NUTF2: variants seen among roughly 807,000 people sequenced by gnomAD.
The protein encoded by NUTF2 is placental protein 15.
A neutral mutation model predicts 18.5 loss-of-function variants in NUTF2; 3 were observed. The ratio of observed to expected loss-of-function variants is 0.16; its 90% CI spans 0.07 to 0.42. The LOEUF is 0.42. Ranked by LOEUF, NUTF2 falls within the 10% of genes least tolerant of loss-of-function variation. The pLI is 0.99. For missense variants in NUTF2, 44 were observed against 160.7 expected (o/e 0.27, Z 3.93); for synonymous variants, 51 against 57.9 (o/e 0.88, Z 0.54).
chr16:67,848,478 G>A (rs2057825265), intron 1 of NUTF2, among the ~76,000 whole-genome samples: 1 of 152,184 alleles, frequency 6.6e-6, no homozygotes, highest in African/African-American at 2.4e-5. Context: ...AGCTACTCAG[G>A]AGACTGAGGC....
chr16:67,853,303 C>T (rs560237268), intron 1 of NUTF2, among the ~76,000 whole-genome samples: 4 of 151,868 alleles, frequency 2.6e-5, no homozygotes, highest in South Asian at 4.2e-4. Context: ...GCAGTCCTCC[C>T]ACCTCAGCCT....
chr16:67,859,203 G>A (rs915320771), intron 1 of NUTF2, among the ~76,000 whole-genome samples: 3 of 151,650 alleles, frequency 2.0e-5, no homozygotes, highest in Non-Finnish European at 4.4e-5. Context: ...TTGTTGAGAT[G>A]GAGTCTCACT....
chr16:67,857,597 TGG>T, intron 1 of NUTF2, among the ~76,000 whole-genome samples: 1 of 152,218 alleles, frequency 6.6e-6, no homozygotes, highest in Non-Finnish European at 1.5e-5. Flanking sequence ...TCCTTACAGC[TGG>T]GTCCTGCTCC....
chr16:67,855,079 T>TTC (rs2057886141), intron 1 of NUTF2, among the ~76,000 whole-genome samples: 1 of 152,142 alleles, frequency 6.6e-6, no homozygotes, highest in South Asian at 2.1e-4. Context: ...GCAGTTCAGT[T>TTC]TGAGTTGGCT....
rs1174652083 is a variant in NUTF2 at position 67,871,478 on chromosome 16, C to T, written c.*565C>T. 6.6e-6 allele frequency: 1 copy of T among 152,424 alleles called. No homozygotes were observed. Among genetic ancestry groups the T allele is most frequent in the Non-Finnish European group, 1.5e-5 (1 of 68,242 alleles). The allele number at this position is 152,424 out of a possible 1,614,324, so 9.4% of individuals were successfully genotyped here. A position where few individuals can be genotyped will look rare whatever the true frequency, so the allele number is the denominator to read the frequency against. On this transcript the variant is annotated 3_prime_UTR_variant, in exon 5 of 5. Coordinates refer to ENST00000219169, the MANE Select transcript of NUTF2 (RefSeq NM_005796.3). Reference sequence around the variant, plus strand: ...CACTCCCAGCTAGCCTCTCAGAAGCCGTGTAGGGCAGTTCTCTCCCACTCC... The same window carrying T: ...CACTCCCAGCTAGCCTCTCAGAAGCTGTGTAGGGCAGTTCTCTCCCACTCC...
intron 1 of NUTF2, among the ~76,000 whole-genome samples, chr16:67,855,388 ACCAGTGGCCAAGAACTTCTTTT>A (rs2057888348): frequency 6.6e-6 from 1 of 152,192 alleles, no homozygotes. Flanking sequence ...CTGCTGGCTG[ACCAGTGGCCAAGAACTTCTTTT>A]CATTGTCTGG....
At position 67,870,925 on chromosome 16, in the gene NUTF2, C is replaced by A. The variant is rs750294849; in HGVS notation, c.*12C>A. 2.5e-6 allele frequency: 4 copies of A among 1,587,138 alleles called. No individual in the cohort carries two copies. Among genetic ancestry groups the A allele is most frequent in the Non-Finnish European group, 3.5e-6 (4 of 1,155,440 alleles). On this transcript the variant is annotated 3_prime_UTR_variant, in exon 5 of 5. Transcript: ENST00000219169. ...ACAACTTTGGCTGACCTCCTCTCAG[C>A]TAGGCACTCACGCTGTTTCCTCCTC...
intron 1 of NUTF2, among the ~76,000 whole-genome samples, chr16:67,849,810 C>G (rs1473501654): frequency 6.6e-6 from 1 of 152,058 alleles, no homozygotes; most frequent in African/African-American, 2.4e-5. Flanking sequence ...AGGCGCCCAC[C>G]ACCACGCCCA....
chr16:67,851,506 T>G (rs1446923475), intron 1 of NUTF2, among the ~76,000 whole-genome samples: 2 of 142,776 alleles, frequency 1.4e-5, no homozygotes, highest in East Asian at 1.9e-4. Flanking sequence ...CAGAATTTTG[T>G]TTTTTTTATT....
At chr16:67,851,433 A>G (rs1025281522) in intron 1 of NUTF2, among the ~76,000 whole-genome samples, 5 of 151,696 alleles carry the variant, frequency 3.3e-5, no homozygotes, top group African/African-American at 4.8e-5. Flanking sequence ...GTGAGCCAAG[A>G]TTGTGCCACT....
intron 1 of NUTF2, among the ~76,000 whole-genome samples, chr16:67,848,632 C>T (rs535714273): frequency 2.0e-5 from 3 of 151,726 alleles, no homozygotes; most frequent in Non-Finnish European, 4.4e-5. Flanking sequence ...ATCCCAGCTA[C>T]TTGGGAGGCT....
At chr16:67,870,489 T>C in intron 4 of NUTF2, 1 of 336,276 alleles carries the variant, frequency 3.0e-6, no homozygotes. Context: ...ATCACTTGTG[T>C]CTGGAGATAT....
chr16:67,847,293 TGGGGCCTTA>T (rs990735351), intron 1 of NUTF2: 2 of 152,242 alleles, frequency 1.3e-5, no homozygotes, highest in Admixed American at 1.3e-4. Context: ...ACCGTCCGGA[TGGGGCCTTA>T]GGGCCCCGCC....
intron 1 of NUTF2, among the ~76,000 whole-genome samples, chr16:67,853,613 C>G (rs1436358826): frequency 6.6e-6 from 1 of 152,152 alleles, no homozygotes; most frequent in African/African-American, 2.4e-5. Flanking sequence ...ACTCAGCCTT[C>G]CAAAGTGCTG....
At chr16:67,866,304 G>T (rs1403925379) in intron 2 of NUTF2, among the ~76,000 whole-genome samples, 1 of 150,312 alleles carries the variant, frequency 6.7e-6, no homozygotes, top group Non-Finnish European at 1.5e-5. Context: ...TATCATAGTA[G>T]AGTTTTTTTT....
At chr16:67,868,870 G>C in intron 4 of NUTF2, 1 of 325,040 alleles carries the variant, frequency 3.1e-6, no homozygotes, top group Non-Finnish European at 5.9e-6. Flanking sequence ...GGCAGACACT[G>C]GTCTAGAGCC....
intron 1 of NUTF2, among the ~76,000 whole-genome samples, chr16:67,859,569 G>C (rs1165430833): frequency 6.6e-6 from 1 of 151,926 alleles, no homozygotes; most frequent in Non-Finnish European, 1.5e-5. Flanking sequence ...TGTTGGCCAG[G>C]CTTGTCTGGA....
At chr16:67,853,302 C>T (rs765029764) in intron 1 of NUTF2, among the ~76,000 whole-genome samples, 1 of 152,080 alleles carries the variant, frequency 6.6e-6, no homozygotes, top group Non-Finnish European at 1.5e-5. Context: ...AGCAGTCCTC[C>T]CACCTCAGCC....
Position 67,868,573 on chromosome 16 carries a change from A to G in NUTF2, c.244A>G (p.Ile82Val), listed in dbSNP as rs767988860. The G allele has an allele frequency of 6.2e-6, 10 of 1,613,932 alleles. No individual in the cohort carries two copies. Reference sequence around the variant, plus strand: ...TCAGCCCACTCCAGATAGCTGCATCATCAGCATGGTTGTGGGCCAGCTTAA... The same window carrying G: ...TCAGCCCACTCCAGATAGCTGCATCGTCAGCATGGTTGTGGGCCAGCTTAA... ...DHQPTPDSCI[I>V]SMVVGQLKAD... is the part of the protein sequence containing the mutation. The change falls in exon 4 of 5, where the codon ATC becomes GTC. Residue 82 changes from isoleucine (I) to valine (V), a missense_variant. Ile to Val is a conservative substitution (Grantham distance 29). Coordinates refer to ENST00000219169, the MANE Select transcript of NUTF2 (RefSeq NM_005796.3).
Sources: allele counts gnomAD v4.1 joint callset (sites outside exome capture counted in the v4.1 genomes callset), GRCh38; gene constraint gnomAD v4.1.1; transcripts MANE v1.5; gene names NCBI Gene and HGNC (gene_info 2026-07-23, HGNC 2026-07-21).